The following QPCT variants were observed in gnomAD, a reference collection of about 807,000 sequenced individuals.
QPCT encodes EC.
QPCT carries 44 observed loss-of-function variants against 43.4 expected under a neutral mutation model. The observed-to-expected ratio is 1.01, with a 90% confidence interval of 0.80 to 1.30. The LOEUF (loss-of-function observed/expected upper bound fraction) is 1.30. Ranked by LOEUF, QPCT falls within the 50% of genes most tolerant of loss-of-function variation. QPCT has a pLI of 0.00. For synonymous variants in QPCT, 168 were observed against 168.4 expected (o/e 1.00, Z 0.02); for missense variants, 526 against 436.5 (o/e 1.21, Z -1.83).
intron 2 of QPCT, among the ~76,000 whole-genome samples, chr2:37,357,275 G>C (rs1464706583): frequency 6.8e-6 from 1 of 147,354 alleles, no homozygotes; most frequent in Non-Finnish European, 1.5e-5. Flanking sequence ...ATGTTCTGGA[G>C]TATATGCTTT....
At position 37,369,717 on chromosome 2, in the gene QPCT, T is replaced by C; in HGVS notation, c.756T>C (p.Ala252=). 6.2e-7 allele frequency: 1 copy of C among 1,608,216 alleles called. No homozygotes were observed. Among genetic ancestry groups the C allele is most frequent in the Non-Finnish European group, 8.5e-7 (1 of 1,174,580 alleles). The change falls in exon 5 of 7, where the codon GCT becomes GCC. Residue 252 remains alanine, a synonymous_variant. Coordinates refer to ENST00000338415, the MANE Select transcript of QPCT (RefSeq NM_012413.4). ...DLLVLLDLIG[A]PNPTFPNFFP... ...TGGTCTTATTGGATTTGATTGGAGC[T>C]CCAAACCCAACGTTTCCCAATTTTT...
chr2:37,372,468 A>T lies in QPCT; in HGVS notation c.936A>T (p.Arg312Ser). 1 of 1,609,390 alleles carries T rather than the reference A, an allele frequency of 6.2e-7. No homozygotes were observed. Among genetic ancestry groups the T allele is most frequent in the African/African-American group, 1.3e-5 (1 of 74,858 alleles). Residue 312 changes from arginine (R) to serine (S), a missense_variant, in exon 6 of 7, where the codon AGA becomes AGT. Arg to Ser is a moderately radical substitution (Grantham distance 110). Coordinates refer to ENST00000338415, the MANE Select transcript of QPCT (RefSeq NM_012413.4). ...VIQDDHIPFL[R>S]RGVPVLHLIP... is the part of the protein sequence containing the mutation. ...AGGATGACCATATTCCATTTTTAAGAAGAGGTAATGTGTGTGTGTGTGTGT... is the reference window on the plus strand; with the variant it reads ...AGGATGACCATATTCCATTTTTAAGTAGAGGTAATGTGTGTGTGTGTGTGT...
In QPCT at chr2:37,372,834, G is replaced by GTA; in HGVS notation, c.*7_*8insTA. 1 of 1,596,874 alleles carries GTA rather than the reference G, an allele frequency of 6.3e-7. No individual in the cohort carries two copies. Among genetic ancestry groups the GTA allele is most frequent in the Non-Finnish European group, 8.5e-7 (1 of 1,170,520 alleles). On this transcript the variant is annotated 3_prime_UTR_variant, in exon 7 of 7. Transcript: ENST00000338415. Reference sequence around the variant, plus strand: ...GGAATATCTTCATTTGTAATACTCTGATTTAGTTTAGGATAATTGGTTCTA... The same window carrying GTA: ...GGAATATCTTCATTTGTAATACTCTGTAATTTAGTTTAGGATAATTGGTTCTA...
At chr2:37,347,193 A>T (rs866011862) in intron 1 of QPCT, among the ~76,000 whole-genome samples, 9 of 56,048 alleles carry the variant, frequency 1.6e-4, no homozygotes, top group African/African-American at 5.9e-4. Context: ...TATATATATA[A>T]CATATATATA....
intron 1 of QPCT, 96 bp from the exon 2 acceptor site, chr2:37,352,693 T>C (rs962605831): frequency 2.1e-6 from 3 of 1,434,256 alleles, no homozygotes; most frequent in Middle Eastern, 1.8e-4. Flanking sequence ...AAGTTCTCCC[T>C]TATTTTGAAG....
chr2:37,352,688 C>G, intron 1 of QPCT, 101 bp from the exon 2 acceptor site: 1 of 1,391,454 alleles, frequency 7.2e-7, no homozygotes, highest in Non-Finnish European at 9.9e-7. Context: ...ACATAAAGTT[C>G]TCCCTTATTT....
intron 2 of QPCT, among the ~76,000 whole-genome samples, chr2:37,358,472 AC>A (rs1359281757): frequency 6.6e-6 from 1 of 152,142 alleles, no homozygotes; most frequent in East Asian, 1.9e-4. Context: ...AAACAAACAA[AC>A]AAAAAACCAA....
intron 1 of QPCT, 70 bp downstream of exon 1, chr2:37,344,921 A>C: frequency 6.8e-7 from 1 of 1,474,648 alleles, no homozygotes; most frequent in African/African-American, 1.5e-5. Context: ...TGGCCGGGTC[A>C]GCCCTACCTA....
intron 3 of QPCT, among the ~76,000 whole-genome samples, chr2:37,363,805 A>G (rs1169419788): frequency 6.6e-6 from 1 of 152,114 alleles, no homozygotes; most frequent in Non-Finnish European, 1.5e-5. Flanking sequence ...CTATGAAACA[A>G]AACCAGAATG....
At chr2:37,359,241 G>A (rs1042875544) in intron 2 of QPCT, among the ~76,000 whole-genome samples, 1 of 152,098 alleles carries the variant, frequency 6.6e-6, no homozygotes, top group East Asian at 1.9e-4. Context: ...ATATGTGTTT[G>A]TATGCTACTG....
intron 1 of QPCT, 57 bp downstream of exon 1, chr2:37,344,908 C>T: frequency 1.3e-6 from 2 of 1,488,634 alleles, no homozygotes; most frequent in Non-Finnish European, 8.9e-7. Flanking sequence ...ATGCGAGGAC[C>T]CCTGGCCGGG....
intron 2 of QPCT, among the ~76,000 whole-genome samples, chr2:37,358,099 A>G (rs1267113725): frequency 2.0e-5 from 3 of 146,690 alleles, no homozygotes; most frequent in African/African-American, 5.4e-5. Flanking sequence ...AATGATGTAT[A>G]TGATACTTGA....
chr2:37,362,479 C>T (rs1370517152), intron 3 of QPCT, among the ~76,000 whole-genome samples: 1 of 152,200 alleles, frequency 6.6e-6, no homozygotes, highest in Non-Finnish European at 1.5e-5. Context: ...ATTACACTGT[C>T]CTTTCCTCAT....
intron 1 of QPCT, among the ~76,000 whole-genome samples, chr2:37,350,044 A>G (rs1389650119): frequency 6.6e-6 from 1 of 152,166 alleles, no homozygotes. Context: ...GATGTCTTGT[A>G]TGAAAGACAG....
intron 1 of QPCT, among the ~76,000 whole-genome samples, chr2:37,345,520 T>C (rs914000381): frequency 6.6e-6 from 1 of 152,184 alleles, no homozygotes; most frequent in African/African-American, 2.4e-5. Context: ...TAAAAGTGAT[T>C]TGCAAGTTCC....
rs200314701 is a variant in QPCT, at chr2:37,352,848, C to T, written c.180C>T (p.Thr60=). 6.1e-5 allele frequency: 98 copies of T among 1,614,176 alleles called. No individual in the cohort carries two copies. Among genetic ancestry groups the T allele is most frequent in the Non-Finnish European group, 8.1e-5 (95 of 1,180,016 alleles). The change falls in exon 2 of 7, where the codon ACC becomes ACT. Residue 60 remains threonine, a synonymous_variant. Coordinates refer to ENST00000338415, the MANE Select transcript of QPCT (RefSeq NM_012413.4). ...CTCTTCGGCAAATTGCAGAAGGCAC[C>T]AGTATCTCTGAAATGTGGCAAAATG... ...SSALRQIAEG[T]SISEMWQNDL... is the part of the protein sequence containing the mutation.
chr2:37,344,701 G>C lies in QPCT; in HGVS notation c.-31G>C. 1 of 1,580,924 alleles carries C rather than the reference G, an allele frequency of 6.3e-7. No homozygotes were observed. ...CCGGGCTCGTGACCGCCAGCGGCCCGGGGAACCCGCTCCCAGACAGACTCG... is the reference window on the plus strand; with the variant it reads ...CCGGGCTCGTGACCGCCAGCGGCCCCGGGAACCCGCTCCCAGACAGACTCG... On this transcript the variant is annotated 5_prime_UTR_variant, in exon 1 of 7. Transcript: ENST00000338415.
chr2:37,369,645 T>G, intron 4 of QPCT, 40 bp from the exon 5 acceptor site: 1 of 1,430,320 alleles, frequency 7.0e-7, no homozygotes, highest in Non-Finnish European at 9.9e-7. Flanking sequence ...ATAAAACACG[T>G]TTTGGTGATG....
chr2:37,365,618 T>C (rs1372889828), intron 3 of QPCT, among the ~76,000 whole-genome samples: 2 of 138,982 alleles, frequency 1.4e-5, no homozygotes, highest in Admixed American at 7.1e-5. Flanking sequence ...CGATGGGAAT[T>C]ATCCAGCAGA....
Sources: allele counts gnomAD v4.1 joint callset (sites outside exome capture counted in the v4.1 genomes callset), GRCh38; gene constraint gnomAD v4.1.1; transcripts MANE v1.5; gene names NCBI Gene and HGNC (gene_info 2026-07-23, HGNC 2026-07-21).